The following IDE variants were observed in gnomAD, a reference collection of about 807,000 sequenced individuals.
IDE encodes insulin-degrading enzyme.
A neutral mutation model predicts 133.2 loss-of-function variants in IDE; 58 were observed. The ratio of observed to expected loss-of-function variants is 0.44; its 90% CI spans 0.35 to 0.54. The LOEUF (loss-of-function observed/expected upper bound fraction) is 0.54, where lower values mean the gene tolerates loss of function less well. Ranked by LOEUF, IDE falls within the 20% of genes least tolerant of loss-of-function variation. IDE has a pLI of 0.00. For synonymous variants in IDE, 396 were observed against 421.3 expected (o/e 0.94, Z 0.73); for missense variants, 981 against 1,234.0 (o/e 0.79, Z 3.07).
intron 3 of IDE, among the ~76,000 whole-genome samples, chr10:92,533,627 A>G (rs1850064737): frequency 6.6e-6 from 1 of 151,280 alleles, no homozygotes; most frequent in African/African-American, 2.4e-5. Context: ...GGACTACCAG[A>G]GTGTAGTCCA....
intron 1 of IDE, among the ~76,000 whole-genome samples, chr10:92,551,018 T>C (rs1447364627): frequency 6.6e-6 from 1 of 152,094 alleles, no homozygotes; most frequent in African/African-American, 2.4e-5. Flanking sequence ...AAATTAGAAA[T>C]AGAATTACCA....
At chr10:92,566,781 C>T (rs1380393680) in intron 1 of IDE, among the ~76,000 whole-genome samples, 1 of 152,074 alleles carries the variant, frequency 6.6e-6, no homozygotes, top group African/African-American at 2.4e-5. Context: ...AGAATAAATG[C>T]TTGAGGGGAT....
chr10:92,460,656 G>A (rs1337912545), intron 22 of IDE, among the ~76,000 whole-genome samples: 1 of 152,150 alleles, frequency 6.6e-6, no homozygotes, highest in Non-Finnish European at 1.5e-5. Context: ...TACATGGCCC[G>A]CAGGCTGCAG....
chr10:92,518,919 G>A (rs1849068411), intron 4 of IDE, among the ~76,000 whole-genome samples: 1 of 152,174 alleles, frequency 6.6e-6, no homozygotes. Context: ...TGCAACTGAA[G>A]TGTACACCGG....
At position 92,465,794 on chromosome 10, in the gene IDE, G is replaced by A. The variant is rs760345406; in HGVS notation, c.2370C>T (p.Gly790=). The A allele has an allele frequency of 5.0e-6, 8 of 1,613,916 alleles. No individual in the cohort carries two copies. The Admixed American group carries it at 5.0e-5, about 10-fold the overall frequency. The change falls in exon 20 of 25, where the codon GGC becomes GGT. Residue 790 remains glycine, a synonymous_variant. Coordinates refer to ENST00000265986, the MANE Select transcript of IDE (RefSeq NM_004969.4). ...TGTCTGTTTGGTAGTATATCTCGAT[G>A]CCACAGTTATTGTGAACTTCATTTC... ...QQRNEVHNNC[G]IEIYYQTDMQ... is the part of the protein sequence containing the mutation.
intron 5 of IDE, among the ~76,000 whole-genome samples, chr10:92,513,312 C>T (rs995453057): frequency 2.0e-5 from 3 of 152,176 alleles, no homozygotes; most frequent in Non-Finnish European, 4.4e-5. Flanking sequence ...CCTGCCTCAG[C>T]CTCCCAACTA....
At chr10:92,501,357 G>A (rs1202877169) in intron 11 of IDE, among the ~76,000 whole-genome samples, 1 of 71,734 alleles carries the variant, frequency 1.4e-5, no homozygotes, top group Non-Finnish European at 2.4e-5. Flanking sequence ...GCAAGACTCT[G>A]TCATTAAAAA....
chr10:92,483,044 T>C (rs1004131907), intron 14 of IDE, among the ~76,000 whole-genome samples: 1 of 152,178 alleles, frequency 6.6e-6, no homozygotes, highest in Non-Finnish European at 1.5e-5. Flanking sequence ...CCTCCCAAAG[T>C]GCTGGGATTA....
In IDE at chr10:92,510,107, G is replaced by C. The variant is rs772558670; in HGVS notation, c.840C>G (p.Asn280Lys). The change falls in exon 6 of 25, where the codon AAC (asparagine) becomes AAG (lysine). Residue 280 changes from asparagine to lysine, a missense_variant. Coordinates refer to ENST00000265986, the MANE Select transcript of IDE (RefSeq NM_004969.4). ...LVVKLFSEVE[N>K]KNVPLPEFPE... The stretch of plus-strand genomic sequence containing the variant: ...GAAATTCTGGCAATGGAACATTTTT[G>C]TTCTCTACTTCAGAAAATAACTTTA... 1.9e-5 allele frequency: 31 copies of C among 1,606,146 alleles called. No homozygotes were observed. The highest frequency in any genetic ancestry group is 4.0e-5 in the African/African-American group (3 of 74,832).
At chr10:92,572,471 CA>C (rs1843832071) in intron 1 of IDE, among the ~76,000 whole-genome samples, 1 of 152,190 alleles carries the variant, frequency 6.6e-6, no homozygotes, top group African/African-American at 2.4e-5. Flanking sequence ...CTAATACAGG[CA>C]GTAAAGACTA....
intron 2 of IDE, among the ~76,000 whole-genome samples, chr10:92,536,072 A>C (rs1033954277): frequency 6.6e-6 from 1 of 151,686 alleles, no homozygotes; most frequent in African/African-American, 2.4e-5. Context: ...TGATTAAAGC[A>C]ACATTAAATG....
intron 1 of IDE, among the ~76,000 whole-genome samples, chr10:92,556,359 A>C (rs568666375): frequency 2.0e-5 from 3 of 152,224 alleles, no homozygotes; most frequent in South Asian, 2.1e-4. Flanking sequence ...ACAGTGGCTC[A>C]TGCCTGTAAT....
At chr10:92,509,036 A>T in intron 6 of IDE, 146 bp from the exon 7 acceptor site, 2 of 631,222 alleles carry the variant, frequency 3.2e-6, no homozygotes. Flanking sequence ...GACCACAAAG[A>T]AATAAATGAC....
At chr10:92,550,650 C>CAAAA (rs71028826) in intron 1 of IDE, among the ~76,000 whole-genome samples, 14 of 57,414 alleles carry the variant, frequency 2.4e-4, no homozygotes, top group African/African-American at 8.4e-4. Context: ...GACTCCGTCT[C>CAAAA]AAAAAAAAAA....
chr10:92,470,264 A>G lies in IDE; in HGVS notation c.2198T>C (p.Ile733Thr). The G allele has an allele frequency of 1.2e-6, 2 of 1,603,388 alleles. No homozygotes were observed. The highest frequency in any genetic ancestry group is 1.7e-6 in the Non-Finnish European group (2 of 1,174,474). ...LHIEALLHGN[I>T]TKQAALGIMQ... is the part of the protein sequence containing the mutation. ...ACCTCAACCACCCACCTGCTTTGTT[A>G]TGTTTCCATGGAGAAGGGCTTCAAT... Residue 733 changes from isoleucine (I) to threonine (T), a missense_variant, in exon 18 of 25, where the codon ATA (isoleucine) becomes ACA (threonine). Around this residue, in one of 2 missense-constraint regions of IDE, gnomAD observed 660 missense variants for 894.7 expected, o/e 0.74. Transcript: ENST00000265986.
intron 11 of IDE, among the ~76,000 whole-genome samples, chr10:92,492,161 G>C (rs1847391773): frequency 6.6e-6 from 1 of 151,884 alleles, no homozygotes; most frequent in African/African-American, 2.4e-5. Context: ...TTGGGAGGCT[G>C]AGGCAGGAGA....
intron 4 of IDE, among the ~76,000 whole-genome samples, chr10:92,526,327 A>G (rs146930923): frequency 4.0e-4 from 61 of 152,190 alleles, no homozygotes; most frequent in African/African-American, 1.4e-3. Context: ...ATTCAATGCA[A>G]CCCCTATCAA....
At chr10:92,494,862 A>G (rs1481021534) in intron 11 of IDE, among the ~76,000 whole-genome samples, 2 of 152,196 alleles carry the variant, frequency 1.3e-5, no homozygotes, top group African/African-American at 4.8e-5. Flanking sequence ...TAGGGAAAAG[A>G]TGTCCAAAGA....
chr10:92,545,971 A>T (rs895316266), intron 1 of IDE, among the ~76,000 whole-genome samples: 1 of 152,232 alleles, frequency 6.6e-6, no homozygotes, highest in African/African-American at 2.4e-5. Context: ...GTTCATAGCA[A>T]CACTATTCAA....
Sources: gnomAD v4.1 joint callset for allele counts (sites outside exome capture counted in the v4.1 genomes callset) on GRCh38, gnomAD v4.1.1 for gene constraint, gnomAD v4.1.1 regional missense constraint, MANE v1.5 for transcripts, NCBI Gene and HGNC (gene_info 2026-07-23, HGNC 2026-07-21) for gene names.